Variants in KIF3C observed in about 807,000 individuals in gnomAD.
KIF3C encodes kinesin family member 3C, also known as kinesin-like protein KIF3C.
Under a neutral mutation model 67.7 loss-of-function variants are expected in KIF3C, and 12 were observed. The observed-to-expected ratio is 0.18, with a 90% CI of 0.11 to 0.29. KIF3C has a LOEUF of 0.29. KIF3C is among the 10% of genes least tolerant of loss of function. KIF3C has a pLI of 1.00. For synonymous variants in KIF3C, 393 were observed against 426.2 expected (o/e 0.92, Z 0.96); for missense variants, 789 against 1,059.6 (o/e 0.74, Z 3.55).
chr2:25,932,003 G>GTTTTTTT (rs775155142), intron 5 of KIF3C, among the ~76,000 whole-genome samples: 1 of 96,168 alleles, frequency 1.0e-5, no homozygotes. Flanking sequence ...CTTCTGTTTT[G>GTTTTTTT]TTTTTTTTTT....
intron 5 of KIF3C, 153 bp downstream of exon 5, chr2:25,951,636 G>A: frequency 1.7e-6 from 1 of 593,936 alleles, no homozygotes; most frequent in Non-Finnish European, 3.0e-6. Context: ...ATTAGATCCT[G>A]AGAAATTCAT....
Position 25,962,824 on chromosome 2 carries a change from TA to T in KIF3C, c.1546-6381del, listed in dbSNP as rs1227414849. 7.6e-3 allele frequency among the ~76,000 whole-genome samples: 499 copies of T among 65,540 alleles called. 46 individuals carry two copies. Among genetic ancestry groups the T allele is most frequent in the African/African-American group, 0.037 (487 of 13,116 alleles). 43.0% of individuals were successfully genotyped at this position (65,540 alleles called of 152,430 possible). A position where few individuals can be genotyped will look rare whatever the true frequency, so the allele number is the denominator to read the frequency against. ...TATAATATATAATATATATAATATA[TA>T]AAATATATAAAATATATAATATATA... is the stretch of plus-strand genomic sequence containing the variant. On this transcript the variant is annotated intron_variant, in intron 1 of 7. Coordinates refer to ENST00000264712, the MANE Select transcript of KIF3C (RefSeq NM_002254.8).
chr2:25,928,863 A>G lies in KIF3C; in HGVS notation c.*115T>C. On this transcript the variant is annotated 3_prime_UTR_variant, in exon 8 of 8. Coordinates refer to ENST00000264712, the MANE Select transcript of KIF3C (RefSeq NM_002254.8). ...ATCTGCCAGATTCTCACCCCTGCACACACGCACACGCACATGCACGCACAC... is the reference window on the plus strand; with the variant it reads ...ATCTGCCAGATTCTCACCCCTGCACGCACGCACACGCACATGCACGCACAC... 1.3e-6 allele frequency: 1 copy of G among 782,788 alleles called. No homozygotes were observed. Among genetic ancestry groups the G allele is most frequent in the Middle Eastern group, 3.8e-4 (1 of 2,608 alleles). The allele number at this position is 782,788 out of a possible 1,614,324, so 48.5% of individuals were successfully genotyped here.
chr2:25,957,498 C>A (rs1426049677), intron 1 of KIF3C, among the ~76,000 whole-genome samples: 2 of 152,138 alleles, frequency 1.3e-5, no homozygotes, highest in Admixed American at 1.3e-4. Context: ...AAGGTGCTGT[C>A]CCAGGGTACC....
chr2:25,947,059 G>A (rs1026050672), intron 5 of KIF3C, among the ~76,000 whole-genome samples: 2 of 152,138 alleles, frequency 1.3e-5, no homozygotes, highest in South Asian at 2.1e-4. Flanking sequence ...GGAGGCTGAG[G>A]CAGGAGAATT....
intron 1 of KIF3C, among the ~76,000 whole-genome samples, chr2:25,962,741 AAT>A: frequency 8.5e-6 from 1 of 117,920 alleles, no homozygotes; most frequent in Non-Finnish European, 1.6e-5. Context: ...CACTTTACCT[AAT>A]ATATATATAA....
chr2:25,960,739 C>T (rs1403920950), intron 1 of KIF3C, among the ~76,000 whole-genome samples: 1 of 152,076 alleles, frequency 6.6e-6, no homozygotes, highest in Non-Finnish European at 1.5e-5. Flanking sequence ...GAGTTCAAGA[C>T]CAGCCCAAGT....
At chr2:25,974,184 G>A (rs1178290229) in intron 1 of KIF3C, among the ~76,000 whole-genome samples, 4 of 151,626 alleles carry the variant, frequency 2.6e-5, no homozygotes, top group South Asian at 2.1e-4. Context: ...ATTCTCCTGC[G>A]TCAGCCTCCT....
intron 1 of KIF3C, among the ~76,000 whole-genome samples, chr2:25,978,432 A>G (rs1419010709): frequency 6.6e-6 from 1 of 152,162 alleles, no homozygotes; most frequent in Non-Finnish European, 1.5e-5. Flanking sequence ...GCTCTTCCAT[A>G]TATAAAGGGG....
At chr2:25,974,385 G>C (rs1219106150) in intron 1 of KIF3C, among the ~76,000 whole-genome samples, 1 of 150,864 alleles carries the variant, frequency 6.6e-6, no homozygotes, top group East Asian at 1.9e-4. Context: ...TTTTTTCCTA[G>C]AGACAAGGTC....
At chr2:25,973,238 G>A (rs1032228127) in intron 1 of KIF3C, among the ~76,000 whole-genome samples, 2 of 152,036 alleles carry the variant, frequency 1.3e-5, no homozygotes, top group Non-Finnish European at 2.9e-5. Flanking sequence ...CTTTACTGGG[G>A]CATGATTGAT....
intron 1 of KIF3C, among the ~76,000 whole-genome samples, chr2:25,979,893 G>A (rs534958237): frequency 6.6e-6 from 1 of 152,316 alleles, no homozygotes; most frequent in South Asian, 2.1e-4. Context: ...AGGATCCAAT[G>A]AGATCATGTA....
intron 5 of KIF3C, among the ~76,000 whole-genome samples, chr2:25,931,484 CA>C (rs1427012487): frequency 6.6e-6 from 1 of 151,700 alleles, no homozygotes; most frequent in African/African-American, 2.4e-5. Context: ...AAAAACAAAA[CA>C]AAAAAAGTAT....
chr2:25,973,546 T>G (rs1321608580), intron 1 of KIF3C, among the ~76,000 whole-genome samples: 3 of 73,228 alleles, frequency 4.1e-5, no homozygotes, highest in Non-Finnish European at 7.7e-5. Context: ...AGAGTGAGAC[T>G]CTGTCTCAAA....
At chr2:25,967,939 G>A (rs555112793) in intron 1 of KIF3C, among the ~76,000 whole-genome samples, 5 of 152,286 alleles carry the variant, frequency 3.3e-5, no homozygotes, top group African/African-American at 4.8e-5. Flanking sequence ...GTCGTTACTC[G>A]CTGTTTCGGT....
intron 1 of KIF3C, among the ~76,000 whole-genome samples, chr2:25,962,826 AAATATATAAAATATAT>A (rs1663994596): frequency 1.6e-5 from 1 of 64,508 alleles, no homozygotes; most frequent in African/African-American, 8.6e-5. Context: ...ATAATATATA[AAATATATAAAATATAT>A]AATATATAAT....
rs1802132 is a variant in KIF3C, at chr2:25,955,579, G to A, written c.1732C>T (p.Gln578Ter). ...TTGGTTTTGACCTCCACCTCCTGCTGCAGGGATGTGTAGGTGCCCCGGAGC... is the reference window on the plus strand; with the variant it reads ...TTGGTTTTGACCTCCACCTCCTGCTACAGGGATGTGTAGGTGCCCCGGAGC... Reference protein sequence around the residue: ...MELRGTYTSLQQEVEVKTKKL... With the variant: ...MELRGTYTSL The change falls in exon 3 of 8, where the codon CAG becomes TAG. Residue 578 changes from glutamine (Q) to a stop codon, truncating the protein, a stop_gained. Transcript: ENST00000264712. LOFTEE classifies it high-confidence loss of function. The surrounding 1 kb of genome is among the most constrained non-coding windows in gnomAD (Gnocchi z 5.0). 6.2e-7 allele frequency: 1 copy of A among 1,614,046 alleles called. No homozygotes were observed. The highest frequency in any genetic ancestry group is 8.5e-7 in the Non-Finnish European group (1 of 1,179,954).
At chr2:25,965,690 C>T (rs190439650) in intron 1 of KIF3C, among the ~76,000 whole-genome samples, 20 of 151,812 alleles carry the variant, frequency 1.3e-4, no homozygotes, top group South Asian at 1.0e-3. Flanking sequence ...CCTGAAATCC[C>T]TGAGCCTAAT....
chr2:25,982,372 G>T lies in KIF3C; in HGVS notation c.-455C>A. 1 of 398,890 alleles carries T rather than the reference G, an allele frequency of 2.5e-6. No homozygotes were observed. The highest frequency in any genetic ancestry group is 4.4e-6 in the Non-Finnish European group (1 of 226,376). The allele number at this position is 398,890 out of a possible 1,614,324, so 24.7% of individuals were successfully genotyped here. On this transcript the variant is annotated 5_prime_UTR_variant, in exon 1 of 8. An upstream open reading frame in the 5' UTR gains an earlier in-frame stop. Transcript: ENST00000264712. ...GGCGGCCGGGGGTCCCGGGCCTCCC[G>T]AGGGCAGAGGCTCACCTGGAGTCCT...
Sources: allele counts gnomAD v4.1 joint callset (sites outside exome capture counted in the v4.1 genomes callset), GRCh38; gene constraint gnomAD v4.1.1; non-coding constraint Gnocchi (gnomAD v3.1); transcripts MANE v1.5; gene names NCBI Gene and HGNC (gene_info 2026-07-23, HGNC 2026-07-21).